INVS: variants seen among roughly 807,000 people sequenced by gnomAD.
INVS encodes the protein inversin, also known as inversion of embryo turning homolog.
Under a neutral mutation model 108.8 loss-of-function variants are expected in INVS, and 86 were observed. That is an observed-to-expected ratio of 0.79 (90% confidence interval 0.66 to 0.95). INVS has a LOEUF of 0.95. INVS is among the 40% of genes least tolerant of loss of function. The probability of loss-of-function intolerance (pLI) is 0.00; values close to 1 mark genes in which losing one functional copy is unlikely to be tolerated. For synonymous variants in INVS, 455 were observed against 473.5 expected (o/e 0.96, Z 0.51); for missense variants, 1,169 against 1,297.4 (o/e 0.90, Z 1.52).
intron 10 of INVS, among the ~76,000 whole-genome samples, chr9:100,254,001 A>G (rs910653624): frequency 1.8e-4 from 27 of 152,326 alleles, no homozygotes; most frequent in East Asian, 1.9e-4. Context: ...ACTGTCTTCC[A>G]CAATGGTTGA....
intron 7 of INVS, among the ~76,000 whole-genome samples, chr9:100,244,048 C>T (rs1831966016): frequency 1.3e-5 from 2 of 151,926 alleles, no homozygotes; most frequent in South Asian, 2.1e-4. Flanking sequence ...TATCATCAAG[C>T]GTAGTATAAT....
At chr9:100,254,257 G>C (rs1393412771) in intron 10 of INVS, among the ~76,000 whole-genome samples, 5 of 152,064 alleles carry the variant, frequency 3.3e-5, no homozygotes, top group African/African-American at 1.2e-4. Flanking sequence ...ACTTTTTGAT[G>C]GGGTTGTTTG....
In INVS at chr9:100,104,471, C is replaced by A. The variant is rs377082752; in HGVS notation, c.-24-27C>A. 81 of 1,246,308 alleles carry A rather than the reference C, an allele frequency of 6.5e-5. No individual in the cohort carries two copies. In the African/African-American group the frequency reaches 9.3e-4, roughly 14 times the overall value. The allele number at this position is 1,246,308 out of a possible 1,614,324, so 77.2% of individuals were successfully genotyped here. On this transcript the variant is annotated intron_variant, in intron 1 of 16. Transcript: ENST00000262457. ...AGGTTTCAGAAATGTTTGCTGCATGCGCTCATTGTCTGAATCATTGTTTCA... is the reference window on the plus strand; with the variant it reads ...AGGTTTCAGAAATGTTTGCTGCATGAGCTCATTGTCTGAATCATTGTTTCA...
Position 100,300,794 on chromosome 9 carries a change from T to C in INVS, c.*120T>C. ...TTAATATCCGTACCTGAAGGCTGAT[T>C]CACCTAAAAATGTGTTAACTGAAAG... On this transcript the variant is annotated 3_prime_UTR_variant, in exon 17 of 17. Coordinates refer to ENST00000262457, the MANE Select transcript of INVS (RefSeq NM_014425.5). 4 of 721,918 alleles carry C rather than the reference T, an allele frequency of 5.5e-6. No individual in the cohort carries two copies. Among genetic ancestry groups the C allele is most frequent in the Non-Finnish European group, 7.4e-6 (3 of 406,126 alleles). 44.7% of individuals were successfully genotyped at this position (721,918 alleles called of 1,614,324 possible).
At chr9:100,229,962 AT>A in intron 5 of INVS, 135 bp downstream of exon 5, 1 of 802,164 alleles carries the variant, frequency 1.2e-6, no homozygotes, top group Non-Finnish European at 2.0e-6. Flanking sequence ...ATATGGACTC[AT>A]CCCCCAAGAA....
intron 3 of INVS, among the ~76,000 whole-genome samples, chr9:100,146,598 A>G (rs755209514): frequency 3.9e-5 from 6 of 152,162 alleles, no homozygotes; most frequent in Admixed American, 2.6e-4. Flanking sequence ...TCAGTACTTC[A>G]TTCATTTTTA....
At chr9:100,299,673 C>T (rs1833906440) in intron 16 of INVS, among the ~76,000 whole-genome samples, 1 of 83,584 alleles carries the variant, frequency 1.2e-5, no homozygotes. Context: ...CACACACACA[C>T]ACACACACCT....
chr9:100,268,533 A>C (rs1323672739), intron 11 of INVS, among the ~76,000 whole-genome samples: 2 of 152,152 alleles, frequency 1.3e-5, no homozygotes, highest in Non-Finnish European at 2.9e-5. Flanking sequence ...TCTGGTTCCA[A>C]TACCTCTGAC....
chr9:100,278,333 T>C (rs1833171699), intron 12 of INVS, among the ~76,000 whole-genome samples: 1 of 151,202 alleles, frequency 6.6e-6, no homozygotes, highest in Admixed American at 6.6e-5. Context: ...TGAAATAACC[T>C]CTCAGTTTAT....
chr9:100,183,525 G>A (rs1274339963), intron 3 of INVS, among the ~76,000 whole-genome samples: 5 of 152,072 alleles, frequency 3.3e-5, no homozygotes, highest in African/African-American at 1.2e-4. Context: ...GGGCACAGTG[G>A]CTTACGCCTG....
At chr9:100,263,173 T>C (rs1440413334) in intron 10 of INVS, among the ~76,000 whole-genome samples, 1 of 152,222 alleles carries the variant, frequency 6.6e-6, no homozygotes, top group African/African-American at 2.4e-5. Context: ...TATTTAGAAG[T>C]GTACTGTTTA....
chr9:100,150,852 A>G (rs921468801), intron 3 of INVS, among the ~76,000 whole-genome samples: 1 of 152,174 alleles, frequency 6.6e-6, no homozygotes, highest in Non-Finnish European at 1.5e-5. Context: ...AGCTTTCACA[A>G]GGTGCAAATG....
intron 3 of INVS, among the ~76,000 whole-genome samples, chr9:100,211,285 A>G (rs1830824375): frequency 6.6e-6 from 1 of 152,208 alleles, no homozygotes; most frequent in Non-Finnish European, 1.5e-5. Flanking sequence ...GCACAACAGA[A>G]TTATCCTTGT....
At chr9:100,111,209 C>T (rs1451292388) in intron 2 of INVS, among the ~76,000 whole-genome samples, 1 of 152,122 alleles carries the variant, frequency 6.6e-6, no homozygotes, top group Non-Finnish European at 1.5e-5. Context: ...TTAGAACAAG[C>T]AAATAAGATA....
chr9:100,223,219 C>T (rs1030576181), intron 3 of INVS, among the ~76,000 whole-genome samples: 1 of 151,828 alleles, frequency 6.6e-6, no homozygotes, highest in Non-Finnish European at 1.5e-5. Flanking sequence ...CTCACCCTCC[C>T]GAGTAGCTGG....
At chr9:100,265,517 T>C (rs1182926994) in intron 11 of INVS, among the ~76,000 whole-genome samples, 2 of 152,220 alleles carry the variant, frequency 1.3e-5, no homozygotes, top group Admixed American at 1.3e-4. Context: ...TTCTGACTTC[T>C]GGCTAACATA....
intron 3 of INVS, chr9:100,175,367 A>G (rs1441123128): frequency 1.3e-6 from 1 of 780,486 alleles, no homozygotes; most frequent in Non-Finnish European, 2.3e-6. Flanking sequence ...AAGGCAGACA[A>G]CTCACTTCTG....
chr9:100,161,635 A>G (rs1829192628), intron 3 of INVS, among the ~76,000 whole-genome samples: 2 of 152,030 alleles, frequency 1.3e-5, no homozygotes, highest in African/African-American at 4.8e-5. Flanking sequence ...GGATGGATGG[A>G]TGGATGGATG....
rs1829018114 is a variant in INVS at position 100,157,199 on chromosome 9, CCA to C, written c.273+30653_273+30654del. Among the ~76,000 whole-genome samples, 3 of 149,890 alleles carry C rather than the reference CCA, an allele frequency of 2.0e-5. No homozygotes were observed. In the South Asian group the frequency reaches 6.3e-4, roughly 32 times the overall value. Reference sequence around the variant, plus strand: ...TATAAATAAATAATTTTTAAAATAACCACAGTTATACATATGTATCATATAGA... The same window carrying C: ...TATAAATAAATAATTTTTAAAATAACCAGTTATACATATGTATCATATAGA... On this transcript the variant is annotated intron_variant, in intron 3 of 16. Coordinates refer to ENST00000262457, the MANE Select transcript of INVS (RefSeq NM_014425.5).
Sources: gnomAD v4.1 joint callset for allele counts (sites outside exome capture counted in the v4.1 genomes callset) on GRCh38, gnomAD v4.1.1 for gene constraint, MANE v1.5 for transcripts, NCBI Gene and HGNC (gene_info 2026-07-23, HGNC 2026-07-21) for gene names.